SOX6: variants seen among roughly 807,000 people sequenced by gnomAD.
The protein encoded by SOX6 is transcription factor SOX-6.
SOX6 carries 11 observed loss-of-function variants against 97.8 expected under a neutral mutation model. The ratio of observed to expected loss-of-function variants is 0.11; its 90% CI spans 0.07 to 0.19. The LOEUF is 0.19. Ranked by LOEUF, SOX6 falls within the 10% of genes least tolerant of loss-of-function variation. The probability of loss-of-function intolerance (pLI) is 1.00; values close to 1 mark genes in which losing one functional copy is unlikely to be tolerated. For missense variants in SOX6, 810 were observed against 1,039.5 expected (o/e 0.78, Z 3.04); for synonymous variants, 360 against 371.4 (o/e 0.97, Z 0.35).
At position 16,046,947 on chromosome 11, in the gene SOX6, C is replaced by T. The variant is rs192439080; in HGVS notation, c.1436-246G>A. Among the ~76,000 whole-genome samples, 5 of 152,284 alleles carry T rather than the reference C, an allele frequency of 3.3e-5. No individual in the cohort carries two copies. The East Asian group carries it at 9.7e-4, about 29-fold the overall frequency. Reference sequence around the variant, plus strand: ...CTACCTGGATTCTGTCTACTCACCTCCTCACAGACTACAGTTCCTAGACTC... The same window carrying T: ...CTACCTGGATTCTGTCTACTCACCTTCTCACAGACTACAGTTCCTAGACTC... On this transcript the variant is annotated intron_variant, in intron 11 of 15. Transcript: ENST00000683767.
upstream of SOX6, among the ~76,000 whole-genome samples, chr11:16,358,390 T>C (rs1377465782): frequency 6.6e-6 from 1 of 152,128 alleles, no homozygotes; most frequent in Admixed American, 6.6e-5. Flanking sequence ...AATTTTATTA[T>C]GAAAGAACAA....
At chr11:16,570,081 A>G (rs1448681986) in intron 4 of SOX6, among the ~76,000 whole-genome samples, 1 of 152,076 alleles carries the variant, frequency 6.6e-6, no homozygotes, top group Non-Finnish European at 1.5e-5. Context: ...TAAATCCCAT[A>G]GTGCCTTAAG....
intron 6 of SOX6, among the ~76,000 whole-genome samples, chr11:16,152,004 T>G (rs530875407): frequency 6.6e-6 from 1 of 152,310 alleles, no homozygotes; most frequent in Non-Finnish European, 1.5e-5. Context: ...TAATATTATT[T>G]ATGACATAAT....
intron 1 of SOX6, among the ~76,000 whole-genome samples, chr11:16,444,812 A>C (rs1859581733): frequency 6.6e-6 from 1 of 152,204 alleles, no homozygotes; most frequent in Non-Finnish European, 1.5e-5. Flanking sequence ...AATGGATTTA[A>C]AAATTTAATA....
chr11:16,629,444 C>G (rs554938923), intron 3 of SOX6, among the ~76,000 whole-genome samples: 2 of 152,242 alleles, frequency 1.3e-5, no homozygotes, highest in Admixed American at 6.5e-5. Context: ...AGAAATGAAA[C>G]CTTTTTATCG....
chr11:16,402,800 C>T lies in SOX6; in HGVS notation c.-4-61548G>A, dbSNP rs147886976. 9.1e-5 allele frequency: 144 copies of T among 1,579,094 alleles called. No individual in the cohort carries two copies. The African/African-American group carries it at 1.6e-3, about 17-fold the overall frequency. On this transcript the variant is annotated intron_variant, in intron 1 of 15. Coordinates refer to the SOX6 transcript ENST00000396356. Reference sequence around the variant, plus strand: ...TACTATTGTTACATGAGACAACAACCTTTCATGTCCTTGAAGCTCACCATG... The same window carrying T: ...TACTATTGTTACATGAGACAACAACTTTTCATGTCCTTGAAGCTCACCATG...
At chr11:16,578,192 G>A (rs771005911) in intron 4 of SOX6, among the ~76,000 whole-genome samples, 2 of 152,048 alleles carry the variant, frequency 1.3e-5, no homozygotes, top group Non-Finnish European at 2.9e-5. Flanking sequence ...CCATTGAATT[G>A]TCTTGCTTGG....
chr11:16,568,965 C>G (rs909284939), intron 4 of SOX6, among the ~76,000 whole-genome samples: 2 of 152,078 alleles, frequency 1.3e-5, no homozygotes, highest in African/African-American at 4.8e-5. Flanking sequence ...GTGCCTAGCA[C>G]AATGTCTATG....
chr11:16,577,855 A>G (rs1847997424), intron 4 of SOX6, among the ~76,000 whole-genome samples: 1 of 152,050 alleles, frequency 6.6e-6, no homozygotes, highest in Non-Finnish European at 1.5e-5. Context: ...ACTTGCAAAT[A>G]TTTTCTCCCA....
At chr11:16,644,078 T>G (rs961179867) in intron 3 of SOX6, among the ~76,000 whole-genome samples, 9 of 152,112 alleles carry the variant, frequency 5.9e-5, no homozygotes, top group Non-Finnish European at 1.0e-4. Flanking sequence ...TCTCATTCTG[T>G]CACCCAGGCT....
chr11:16,256,164 GATAGAAGC>G (rs1241042645), intron 3 of SOX6, among the ~76,000 whole-genome samples: 1 of 151,934 alleles, frequency 6.6e-6, no homozygotes, highest in Non-Finnish European at 1.5e-5. Context: ...TCTTTCAGAA[GATAGAAGC>G]AAAGGGAATC....
intron 1 of SOX6, among the ~76,000 whole-genome samples, chr11:16,370,403 G>C (rs1857470428): frequency 1.3e-5 from 2 of 152,084 alleles, no homozygotes. Flanking sequence ...CAGACCAAAA[G>C]ATTGACAGCA....
At chr11:16,126,293 TC>T (rs1332319758) in intron 6 of SOX6, among the ~76,000 whole-genome samples, 4 of 152,018 alleles carry the variant, frequency 2.6e-5, no homozygotes, top group Non-Finnish European at 5.9e-5. Flanking sequence ...ACATGACAGT[TC>T]CCCCAAATGA....
At chr11:16,710,853 T>A (rs755807255) in intron 3 of SOX6, among the ~76,000 whole-genome samples, 6 of 152,250 alleles carry the variant, frequency 3.9e-5, no homozygotes, top group Non-Finnish European at 5.9e-5. Flanking sequence ...AAAAACATTA[T>A]AAATTTAATG....
At chr11:16,559,165 A>C (rs2133190011) in intron 4 of SOX6, among the ~76,000 whole-genome samples, 1 of 152,216 alleles carries the variant, frequency 6.6e-6, no homozygotes, top group East Asian at 1.9e-4. Flanking sequence ...AGACTGACTT[A>C]ATGTATATTT....
intron 1 of SOX6, among the ~76,000 whole-genome samples, chr11:16,456,195 G>T (rs529641400): frequency 6.6e-6 from 1 of 152,176 alleles, no homozygotes; most frequent in East Asian, 1.9e-4. Context: ...TCTCACTAGA[G>T]ACTAAACTGA....
intron 13 of SOX6, among the ~76,000 whole-genome samples, chr11:15,996,708 A>C (rs1854238134): frequency 6.6e-6 from 1 of 152,194 alleles, no homozygotes; most frequent in Non-Finnish European, 1.5e-5. Context: ...AAAGGGATTC[A>C]ATTAACACAA....
intron 5 of SOX6, among the ~76,000 whole-genome samples, chr11:16,184,833 T>C (rs1055926154): frequency 6.6e-6 from 1 of 152,120 alleles, no homozygotes; most frequent in Non-Finnish European, 1.5e-5. Context: ...TCCAGAGAGA[T>C]GATCCTTAGT....
intron 9 of SOX6, among the ~76,000 whole-genome samples, chr11:16,059,651 T>C (rs1031545608): frequency 6.6e-6 from 1 of 152,004 alleles, no homozygotes; most frequent in Admixed American, 6.6e-5. Context: ...AACAAGCCTC[T>C]AAAGAAATTA....
Sources: gnomAD v4.1 joint callset for allele counts (sites outside exome capture counted in the v4.1 genomes callset) on GRCh38, gnomAD v4.1.1 for gene constraint, MANE v1.5 for transcripts, NCBI Gene and HGNC (gene_info 2026-07-23, HGNC 2026-07-21) for gene names.